The following CBLB variants were observed in gnomAD, a reference collection of about 807,000 sequenced individuals.
CBLB encodes E3 ubiquitin-protein ligase CBL-B.
Under a neutral mutation model 104.9 loss-of-function variants are expected in CBLB, and 31 were observed. The observed-to-expected ratio is 0.30, with a 90% CI of 0.22 to 0.40. CBLB has a LOEUF of 0.40. CBLB is among the 10% of genes least tolerant of loss of function. CBLB has a pLI of 1.00. For synonymous variants in CBLB, 440 were observed against 422.6 expected (o/e 1.04, Z -0.51); for missense variants, 1,062 against 1,214.6 (o/e 0.87, Z 1.87).
intron 4 of CBLB, among the ~76,000 whole-genome samples, chr3:105,765,491 T>A (rs977136827): frequency 2.0e-5 from 3 of 152,148 alleles, no homozygotes; most frequent in African/African-American, 7.2e-5. Context: ...CCTTCAGAAC[T>A]ATGAGAAATA....
intron 14 of CBLB, 77 bp from the exon 15 acceptor site, chr3:105,681,895 T>A: frequency 3.6e-6 from 3 of 822,108 alleles, no homozygotes; most frequent in Non-Finnish European, 2.1e-6. Context: ...TAGAGGGAAC[T>A]AGTATTCCTG....
At chr3:105,778,805 G>A (rs937633805) in intron 3 of CBLB, among the ~76,000 whole-genome samples, 1 of 152,060 alleles carries the variant, frequency 6.6e-6, no homozygotes, top group Admixed American at 6.6e-5. Context: ...ATATGATTTT[G>A]TCATTTATGT....
chr3:105,785,600 T>TC (rs1295003158), intron 3 of CBLB, among the ~76,000 whole-genome samples: 1 of 152,144 alleles, frequency 6.6e-6, no homozygotes, highest in Non-Finnish European at 1.5e-5. Context: ...GTTCCTTCCT[T>TC]CTTCTGGCTC....
chr3:105,732,026 A>G (rs1458232548), intron 9 of CBLB, among the ~76,000 whole-genome samples: 12 of 152,224 alleles, frequency 7.9e-5, no homozygotes, highest in Non-Finnish European at 1.5e-5. Flanking sequence ...TCAGGGAGAA[A>G]TGCAAGGCTT....
chr3:105,812,271 A>G (rs548494238), intron 3 of CBLB, among the ~76,000 whole-genome samples: 1 of 152,348 alleles, frequency 6.6e-6, no homozygotes, highest in Admixed American at 6.5e-5. Context: ...CATCCAACAA[A>G]TATTTACTGA....
chr3:105,775,834 A>G (rs1308346246), intron 4 of CBLB, among the ~76,000 whole-genome samples: 2 of 152,176 alleles, frequency 1.3e-5, no homozygotes, highest in African/African-American at 4.8e-5. Context: ...CATTATCCTC[A>G]TATCTTGTTC....
At chr3:105,819,901 T>G (rs955496099) in intron 3 of CBLB, among the ~76,000 whole-genome samples, 1 of 152,186 alleles carries the variant, frequency 6.6e-6, no homozygotes, top group Non-Finnish European at 1.5e-5. Context: ...ACCGGTTTCA[T>G]GGAAGACAAT....
At chr3:105,808,325 T>C (rs772356704) in intron 3 of CBLB, among the ~76,000 whole-genome samples, 1 of 152,340 alleles carries the variant, frequency 6.6e-6, no homozygotes, top group East Asian at 1.9e-4. Flanking sequence ...CTTTAAACTA[T>C]TCCTGTCCCA....
chr3:105,727,330 G>T (rs1160956411), intron 9 of CBLB, among the ~76,000 whole-genome samples: 2 of 151,934 alleles, frequency 1.3e-5, no homozygotes, highest in Non-Finnish European at 2.9e-5. Context: ...TTTCATGTTT[G>T]CTGGCTGCAT....
chr3:105,764,176 A>T (rs2152936924), intron 4 of CBLB, among the ~76,000 whole-genome samples: 3 of 152,306 alleles, frequency 2.0e-5, no homozygotes, highest in East Asian at 3.9e-4. Context: ...TGTTTAGAGG[A>T]TTAAGACCAG....
chr3:105,701,588 C>T (rs948664319), intron 12 of CBLB, among the ~76,000 whole-genome samples: 1 of 152,016 alleles, frequency 6.6e-6, no homozygotes, highest in South Asian at 2.1e-4. Context: ...CATGGTGAAA[C>T]CCCATCTCTA....
rs1030525132 is a variant in CBLB at position 105,655,819 on chromosome 3, C to T, written c.*3151G>A. The T allele has an allele frequency of 9.3e-6, 2 of 215,976 alleles. No homozygotes were observed. The highest frequency in any genetic ancestry group is 1.9e-5 in the Non-Finnish European group (2 of 107,186). 13.4% of individuals were successfully genotyped at this position (215,976 alleles called of 1,614,324 possible). ...GTTAATTCAGTGCAAATCAAAGCTT[C>T]AAGTTGAAAATCTGAGAGAAAAAAT... On this transcript the variant is annotated 3_prime_UTR_variant, in exon 19 of 19. Transcript: ENST00000394030.
intron 9 of CBLB, among the ~76,000 whole-genome samples, chr3:105,725,157 C>T (rs1376065308): frequency 2.6e-5 from 4 of 152,080 alleles, no homozygotes; most frequent in African/African-American, 7.2e-5. Flanking sequence ...ATATTCTGTT[C>T]GCTCTAATTG....
intron 4 of CBLB, among the ~76,000 whole-genome samples, chr3:105,759,178 G>C (rs1013135674): frequency 1.3e-5 from 2 of 152,206 alleles, no homozygotes; most frequent in African/African-American, 4.8e-5. Flanking sequence ...AGGAGTCAAA[G>C]AGACTCAAAT....
chr3:105,821,371 A>T (rs2153058022), intron 3 of CBLB, among the ~76,000 whole-genome samples: 1 of 152,242 alleles, frequency 6.6e-6, no homozygotes. Context: ...AGGCTTACAC[A>T]TTCACCTTCC....
In CBLB at chr3:105,720,237, T is replaced by TCCTAAACAAATA; in HGVS notation, c.1216_1217insTATTTGTTTAGG (p.Gln406delinsLeuPheValTer). ...TTCACAACGACAGAAAGGGCAGCCC[T>TCCTAAACAAATA]GACCATCCGACTCCTAAACAAATAG... On this transcript the variant is annotated stop_gained and protein_altering_variant, in exon 10 of 19. Coordinates refer to ENST00000394030, the MANE Select transcript of CBLB (RefSeq NM_170662.5). LOFTEE classifies it high-confidence loss of function. The TCCTAAACAAATA allele has an allele frequency of 6.2e-7, 1 of 1,612,842 alleles. No homozygotes were observed. The highest frequency in any genetic ancestry group is 8.5e-7 in the Non-Finnish European group (1 of 1,179,488).
chr3:105,776,599 A>T lies in CBLB; in HGVS notation c.420-57T>A, dbSNP rs2079500765. 2.4e-5 allele frequency: 34 copies of T among 1,426,478 alleles called. No homozygotes were observed. In the Middle Eastern group the frequency reaches 5.2e-4, roughly 22 times the overall value. 88.4% of individuals were successfully genotyped at this position (1,426,478 alleles called of 1,614,324 possible). A position where few individuals can be genotyped will look rare whatever the true frequency, so the allele number is the denominator to read the frequency against. On this transcript the variant is annotated intron_variant, in intron 3 of 18. Coordinates refer to ENST00000394030, the MANE Select transcript of CBLB (RefSeq NM_170662.5). ...GAAATAAACACCTAGATGCATGCAAATTTTTATGGTAATATATATTAAGAC... is the reference window on the plus strand; with the variant it reads ...GAAATAAACACCTAGATGCATGCAATTTTTTATGGTAATATATATTAAGAC...
At chr3:105,860,637 CCTT>C (rs1156844366) in intron 2 of CBLB, among the ~76,000 whole-genome samples, 1 of 152,166 alleles carries the variant, frequency 6.6e-6, no homozygotes, top group Non-Finnish European at 1.5e-5. Flanking sequence ...AGCCCTATCT[CCTT>C]CTTAATATTT....
intron 12 of CBLB, among the ~76,000 whole-genome samples, chr3:105,695,037 T>G (rs1401410424): frequency 6.6e-6 from 1 of 151,914 alleles, no homozygotes; most frequent in Non-Finnish European, 1.5e-5. Context: ...TATTGAGCAT[T>G]GGAAGTCATT....
Sources: gnomAD v4.1 joint callset for allele counts (sites outside exome capture counted in the v4.1 genomes callset) on GRCh38, gnomAD v4.1.1 for gene constraint, MANE v1.5 for transcripts, NCBI Gene and HGNC (gene_info 2026-07-23, HGNC 2026-07-21) for gene names.